EYS: variants seen among roughly 807,000 people sequenced by gnomAD.
The protein encoded by EYS is protein eyes shut homolog.
In EYS, 250 loss-of-function variants were observed where a neutral mutation model predicts 282.1. That is an observed-to-expected ratio of 0.89 (90% CI 0.80 to 0.98). EYS has a LOEUF of 0.98. Among genes scored for constraint, EYS ranks in the 50% least tolerant of loss-of-function variants. EYS has a pLI of 0.00. For missense variants in EYS, 4,016 were observed against 3,709.0 expected, an observed-to-expected ratio of 1.08 and a Z score of -2.15; for synonymous variants, 1,355 against 1,282.9, an observed-to-expected ratio of 1.06 and a Z score of -1.20.
intron 32 of EYS, among the ~76,000 whole-genome samples, chr6:64,081,339 A>G (rs1771958782): frequency 6.6e-6 from 1 of 152,218 alleles, no homozygotes. Flanking sequence ...AGCAAATTGC[A>G]TAATAATGCA....
chr6:63,730,547 C>T (rs1299434192), intron 41 of EYS, among the ~76,000 whole-genome samples: 1 of 152,160 alleles, frequency 6.6e-6, no homozygotes, highest in African/African-American at 2.4e-5. Context: ...GAATAGTGTT[C>T]CCTGGAGATG....
chr6:64,588,037 T>A (rs879579207), intron 26 of EYS, among the ~76,000 whole-genome samples: 77 of 152,170 alleles, frequency 5.1e-4, no homozygotes, highest in Admixed American at 3.3e-3. Context: ...GGAAAGAAGA[T>A]TAATTAGACT....
chr6:64,948,494 T>G (rs1769370403), intron 14 of EYS, among the ~76,000 whole-genome samples: 2 of 146,844 alleles, frequency 1.4e-5, no homozygotes, highest in African/African-American at 4.9e-5. Context: ...ATTAAATATT[T>G]TAATATTAAT....
At chr6:63,877,977 C>T (rs541615537) in intron 35 of EYS, among the ~76,000 whole-genome samples, 93 of 152,302 alleles carry the variant, frequency 6.1e-4, no homozygotes, top group African/African-American at 2.0e-3. Flanking sequence ...TCTCTCAACT[C>T]GTCAAAATAA....
chr6:65,210,603 G>A (rs1015317815), intron 12 of EYS, among the ~76,000 whole-genome samples: 3 of 151,942 alleles, frequency 2.0e-5, no homozygotes, highest in African/African-American at 7.2e-5. Flanking sequence ...AAGCTTGGAA[G>A]GGGACAGCAG....
intron 39 of EYS, among the ~76,000 whole-genome samples, chr6:63,780,117 T>A (rs1770176922): frequency 6.6e-6 from 1 of 152,234 alleles, no homozygotes; most frequent in African/African-American, 2.4e-5. Context: ...ATGGTGTATA[T>A]GTGCCACATT....
chr6:63,732,389 A>G (rs1329128837), intron 41 of EYS, among the ~76,000 whole-genome samples: 1 of 152,180 alleles, frequency 6.6e-6, no homozygotes, highest in African/African-American at 2.4e-5. Context: ...TTCTAATAAT[A>G]ATACACATTC....
intron 26 of EYS, among the ~76,000 whole-genome samples, chr6:64,462,431 T>C (rs759227027): frequency 6.6e-6 from 1 of 152,208 alleles, no homozygotes; most frequent in Non-Finnish European, 1.5e-5. Context: ...AGGTTAAAAA[T>C]TAGTGTGATT....
intron 12 of EYS, among the ~76,000 whole-genome samples, chr6:65,237,292 T>C (rs1414632422): frequency 1.3e-5 from 2 of 152,202 alleles, no homozygotes; most frequent in African/African-American, 4.8e-5. Context: ...ATAAAGTCTA[T>C]CATCATGAAC....
chr6:65,119,969 C>G (rs530337719), intron 12 of EYS, among the ~76,000 whole-genome samples: 2 of 151,542 alleles, frequency 1.3e-5, no homozygotes, highest in South Asian at 2.1e-4. Context: ...AACCTACCCC[C>G]CCTCCCCGTC....
intron 13 of EYS, among the ~76,000 whole-genome samples, chr6:65,019,484 C>A (rs1354748493): frequency 2.6e-5 from 4 of 152,170 alleles, no homozygotes; most frequent in Non-Finnish European, 5.9e-5. Flanking sequence ...AGGCATATGA[C>A]ATTTCCATGC....
chr6:64,880,165 T>G (rs1766869712), intron 19 of EYS, among the ~76,000 whole-genome samples: 1 of 151,980 alleles, frequency 6.6e-6, no homozygotes, highest in Admixed American at 6.6e-5. Flanking sequence ...AAGCAAAGCA[T>G]TTTGAGGAAT....
chr6:65,447,373 A>T (rs929779461), intron 5 of EYS, among the ~76,000 whole-genome samples: 7 of 146,620 alleles, frequency 4.8e-5, no homozygotes, highest in South Asian at 4.2e-4. Flanking sequence ...TATATATATA[A>T]ATATATGTAT....
At position 64,192,176 on chromosome 6, in the gene EYS, G is replaced by C. The variant is rs368128433; in HGVS notation, c.6424+38416C>G. On this transcript the variant is annotated intron_variant, in intron 31 of 42. Coordinates refer to ENST00000503581, the MANE Select transcript of EYS (RefSeq NM_001142800.2). ...CCTTCGCCCACTTTTTGATGGGGTT[G>C]TTTGTTTTTTTCTTGTAAATTTGTT... 4.9e-3 allele frequency among the ~76,000 whole-genome samples: 719 copies of C among 147,128 alleles called. 7 individuals carry two copies. The highest frequency in any genetic ancestry group is 7.5e-3 in the Non-Finnish European group (497 of 66,686).
chr6:65,671,123 C>A (rs1768378104), intron 1 of EYS, among the ~76,000 whole-genome samples: 1 of 152,114 alleles, frequency 6.6e-6, no homozygotes. Context: ...CTTTCTATTT[C>A]TCCTGTTCCA....
intron 26 of EYS, among the ~76,000 whole-genome samples, chr6:64,572,346 T>G (rs1364248154): frequency 6.6e-6 from 1 of 152,180 alleles, no homozygotes; most frequent in African/African-American, 2.4e-5. Context: ...GCTGGACGCA[T>G]TCCCTTTGAA....
chr6:63,854,154 C>A (rs544381236), intron 36 of EYS, among the ~76,000 whole-genome samples: 2 of 152,198 alleles, frequency 1.3e-5, no homozygotes, highest in South Asian at 4.2e-4. Flanking sequence ...CACATGCATA[C>A]CTATGTTCAT....
chr6:64,365,252 G>A (rs1336814287), intron 29 of EYS, among the ~76,000 whole-genome samples: 1 of 152,012 alleles, frequency 6.6e-6, no homozygotes, highest in African/African-American at 2.4e-5. Context: ...TAGAGAAAAA[G>A]GAGGGAAGTG....
At chr6:64,068,784 G>A (rs1771469561) in intron 32 of EYS, among the ~76,000 whole-genome samples, 1 of 152,084 alleles carries the variant, frequency 6.6e-6, no homozygotes, top group African/African-American at 2.4e-5. Context: ...TAAGTACTGT[G>A]GAGTTGTGAT....
Sources: gnomAD v4.1 joint callset for allele counts (sites outside exome capture counted in the v4.1 genomes callset) on GRCh38, gnomAD v4.1.1 for gene constraint, MANE v1.5 for transcripts, NCBI Gene and HGNC (gene_info 2026-07-23, HGNC 2026-07-21) for gene names.